TERT: variants seen among roughly 807,000 people sequenced by gnomAD.
TERT encodes telomerase reverse transcriptase.
Under a neutral mutation model 104.0 loss-of-function variants are expected in TERT, and 42 were observed. That is an observed-to-expected ratio of 0.40 (90% confidence interval 0.32 to 0.52). The LOEUF (loss-of-function observed/expected upper bound fraction) is 0.52. Among genes scored for constraint, TERT ranks in the 20% least tolerant of loss-of-function variants. The pLI is 0.43. For missense variants in TERT, 1,101 were observed against 1,610.3 expected (o/e 0.68, Z 5.41); for synonymous variants, 781 against 725.6 (o/e 1.08, Z -1.23).
rs117662357 is a variant in TERT, at chr5:1,272,260, G to A, written c.2307C>T (p.Leu769=). 1.2e-5 allele frequency: 19 copies of A among 1,612,370 alleles called. No individual in the cohort carries two copies. The highest frequency in any genetic ancestry group is 8.9e-5 in the East Asian group (4 of 44,820). ...CCACGAACTGTCGCATGTACGGCTG[G>A]AGGTCTGTCAAGGTAGAGACCTGCC... ...FKSHVSTLTD[L]QPYMRQFVAH... The change falls in exon 7 of 16, where the codon CTC becomes CTT. Residue 769 remains leucine (L), a synonymous_variant. Coordinates refer to ENST00000310581, the MANE Select transcript of TERT (RefSeq NM_198253.3).
chr5:1,291,353 C>G (rs1305547250), intron 2 of TERT, among the ~76,000 whole-genome samples: 12 of 79,200 alleles, frequency 1.5e-4, no homozygotes, highest in Non-Finnish European at 2.1e-4. Context: ...CCGGGGACCG[C>G]GCCTCACTCA....
intron 2 of TERT, among the ~76,000 whole-genome samples, chr5:1,283,240 C>A (rs1382635048): frequency 4.4e-5 from 6 of 136,706 alleles, no homozygotes; most frequent in Admixed American, 1.5e-4. Context: ...CACCCCGGAC[C>A]TGCACCATCC....
At chr5:1,258,531 G>T in intron 13 of TERT, 67 bp downstream of exon 13, 1 of 1,433,038 alleles carries the variant, frequency 7.0e-7, no homozygotes, top group Non-Finnish European at 9.6e-7. Flanking sequence ...TGAAGCCCCG[G>T]GTCAGAGGTG....
In TERT at chr5:1,295,021, G is replaced by C. The variant is rs1211853194; in HGVS notation, c.-32C>G. 65 of 1,272,468 alleles carry C rather than the reference G, an allele frequency of 5.1e-5. No individual in the cohort carries two copies. The highest frequency in any genetic ancestry group is 6.3e-5 in the Non-Finnish European group (63 of 1,006,396). 78.8% of individuals were successfully genotyped at this position (1,272,468 alleles called of 1,614,324 possible). A position where few individuals can be genotyped will look rare whatever the true frequency, so the allele number is the denominator to read the frequency against. ...GGTGGCCGGGGCCAGGGCTTCCCAC[G>C]TGCGCAGCAGGACGCAGCGCTGCCT... On this transcript the variant is annotated 5_prime_UTR_variant, in exon 1 of 16. Coordinates refer to ENST00000310581, the MANE Select transcript of TERT (RefSeq NM_198253.3).
rs1267451916 is a variant in TERT at position 1,262,670 on chromosome 5, C to T, written c.2843+1734G>A. 6.6e-6 allele frequency among the ~76,000 whole-genome samples: 1 copy of T among 152,354 alleles called. No individual in the cohort carries two copies. The highest frequency in any genetic ancestry group is 6.5e-5 in the Admixed American group (1 of 15,304). On this transcript the variant is annotated intron_variant, in intron 11 of 15. Coordinates refer to ENST00000310581, the MANE Select transcript of TERT (RefSeq NM_198253.3). The surrounding 1 kb of genome is among the most constrained non-coding windows in gnomAD (Gnocchi z 5.6). ...TGGACCCACATCTGATGACCTGATGCCCACCCATCCTGCACTAGCCTCTGT... is the reference window on the plus strand; with the variant it reads ...TGGACCCACATCTGATGACCTGATGTCCACCCATCCTGCACTAGCCTCTGT...
intron 12 of TERT, 74 bp downstream of exon 12, chr5:1,260,400 G>T (rs35973242): frequency 7.8e-7 from 1 of 1,280,750 alleles, no homozygotes; most frequent in Non-Finnish European, 1.1e-6. Context: ...AGGCACGCGC[G>T]CACACACACA....
At position 1,253,493 on chromosome 5, in the gene TERT, A is replaced by G. The variant is rs1477349975; in HGVS notation, c.*235T>C. The G allele has an allele frequency of 1.7e-6, 1 of 590,634 alleles. No homozygotes were observed. Among genetic ancestry groups the G allele is most frequent in the Non-Finnish European group, 3.0e-6 (1 of 330,518 alleles). The allele number at this position is 590,634 out of a possible 1,614,324, so 36.6% of individuals were successfully genotyped here. On this transcript the variant is annotated 3_prime_UTR_variant, in exon 16 of 16. Coordinates refer to ENST00000310581, the MANE Select transcript of TERT (RefSeq NM_198253.3). ...GGAGCCGAGCGCCAGCCTGTGGGGA[A>G]GTGAAGACGGCAGGTGTGCTGGACA... is the stretch of plus-strand genomic sequence containing the variant.
chr5:1,268,507 G>A lies in TERT; in HGVS notation c.2582+13C>T, dbSNP rs1748778971. ...CCCCCACCCAAGCCCCCCTGGGGAA[G>A]AGGAGGCCTCACCCGTCCCGCCGAA... On this transcript the variant is annotated intron_variant, in intron 9 of 15. Coordinates refer to ENST00000310581, the MANE Select transcript of TERT (RefSeq NM_198253.3). This position sits in a 1 kb window ranked among gnomAD's most constrained non-coding sequence, Gnocchi z 5.5. The A allele has an allele frequency of 1.2e-6, 2 of 1,608,318 alleles. No individual in the cohort carries two copies. The highest frequency in any genetic ancestry group is 1.7e-6 in the Non-Finnish European group (2 of 1,175,958).
At position 1,258,457 on chromosome 5, in the gene TERT, A is replaced by G; in HGVS notation, c.3032+141T>C. 11 of 779,790 alleles carry G rather than the reference A, an allele frequency of 1.4e-5. 1 individual carries two copies. Among genetic ancestry groups the G allele is most frequent in the Middle Eastern group, 6.1e-4 (2 of 3,262 alleles). The allele number at this position is 779,790 out of a possible 1,614,324, so 48.3% of individuals were successfully genotyped here. ...CAGAGCCACGCGAACAGAACTGTGC[A>G]CAGGCAGCAGCACCACTGAAAACGT... On this transcript the variant is annotated intron_variant, in intron 13 of 15. Transcript: ENST00000310581.
intron 15 of TERT, 89 bp from the exon 16 acceptor site, chr5:1,253,920 A>C: frequency 1.4e-6 from 2 of 1,403,324 alleles, no homozygotes; most frequent in Non-Finnish European, 2.0e-6. Flanking sequence ...CCGGGCAGGC[A>C]GGGCCTGCAC....
rs933431085 is a variant in TERT, at chr5:1,265,120, A to G, written c.2655-528T>C. Reference sequence around the variant, plus strand: ...CTGGCTGGGCTGTGAGCTGGGCAACACCAGTCGTCAGCTTCACGTCAAGGA... The same window carrying G: ...CTGGCTGGGCTGTGAGCTGGGCAACGCCAGTCGTCAGCTTCACGTCAAGGA... On this transcript the variant is annotated intron_variant, in intron 10 of 15. Coordinates refer to ENST00000310581, the MANE Select transcript of TERT (RefSeq NM_198253.3). The surrounding 1 kb of genome is among the most constrained non-coding windows in gnomAD (Gnocchi z 6.9). 2.6e-5 allele frequency among the ~76,000 whole-genome samples: 4 copies of G among 152,166 alleles called. No homozygotes were observed. The East Asian group carries it at 7.7e-4, about 29-fold the overall frequency.
Position 1,256,061 on chromosome 5 carries a change from A to C in TERT, c.3033-650T>G, listed in dbSNP as rs1747706968. The stretch of plus-strand genomic sequence containing the variant: ...GCTCTCACTCTGTCACCCAGGCTGC[A>C]GTACAGTGGTGCAATCTCAGCTCAC... On this transcript the variant is annotated intron_variant, in intron 13 of 15. Coordinates refer to ENST00000310581, the MANE Select transcript of TERT (RefSeq NM_198253.3). This position sits in a 1 kb window ranked among gnomAD's most constrained non-coding sequence, Gnocchi z 7.0. Among the ~76,000 whole-genome samples the C allele has an allele frequency of 6.6e-6, 1 of 152,130 alleles. No homozygotes were observed. Among genetic ancestry groups the C allele is most frequent in the South Asian group, 2.1e-4 (1 of 4,820 alleles).
Position 1,294,960 on chromosome 5 carries a change from C to T in TERT, c.30G>A (p.Val10=). 7.3e-7 allele frequency: 1 copy of T among 1,367,802 alleles called. No individual in the cohort carries two copies. Among genetic ancestry groups the T allele is most frequent in the South Asian group, 1.8e-5 (1 of 55,302 alleles). The allele number at this position is 1,367,802 out of a possible 1,614,324, so 84.7% of individuals were successfully genotyped here. A position where few individuals can be genotyped will look rare whatever the true frequency, so the allele number is the denominator to read the frequency against. The change falls in exon 1 of 16, where the codon GTG becomes GTA. Residue 10 remains valine, a synonymous_variant. Coordinates refer to ENST00000310581, the MANE Select transcript of TERT (RefSeq NM_198253.3). The part of the protein sequence containing the change: MPRAPRCRA[V]RSLLRSHYRE... ...GGTAGTGGCTGCGCAGCAGGGAGCG[C>T]ACGGCTCGGCAGCGGGGAGCGCGCG...
chr5:1,279,212 T>C lies in TERT; in HGVS notation c.2130+79A>G, dbSNP rs898608515. 4.0e-6 allele frequency: 6 copies of C among 1,488,766 alleles called. No homozygotes were observed. The African/African-American group carries it at 8.4e-5, about 21-fold the overall frequency. 92.2% of individuals were successfully genotyped at this position (1,488,766 alleles called of 1,614,324 possible). A position where few individuals can be genotyped will look rare whatever the true frequency, so the allele number is the denominator to read the frequency against. On this transcript the variant is annotated intron_variant, in intron 5 of 15. Transcript: ENST00000310581. ...CTGCGGCCCACCCAGGAGTACCTCC[T>C]CCACCCAACATGAGGTGCCAATCAG...
At position 1,295,020 on chromosome 5, in the gene TERT, C is replaced by G. The variant is rs990029964; in HGVS notation, c.-31G>C. On this transcript the variant is annotated 5_prime_UTR_variant, in exon 1 of 16. Coordinates refer to ENST00000310581, the MANE Select transcript of TERT (RefSeq NM_198253.3). ...GGGTGGCCGGGGCCAGGGCTTCCCA[C>G]GTGCGCAGCAGGACGCAGCGCTGCC... 1.0e-5 allele frequency: 13 copies of G among 1,278,802 alleles called. No individual in the cohort carries two copies. The highest frequency in any genetic ancestry group is 1.3e-5 in the Non-Finnish European group (13 of 1,012,420). 79.2% of individuals were successfully genotyped at this position (1,278,802 alleles called of 1,614,324 possible).
intron 12 of TERT, among the ~76,000 whole-genome samples, chr5:1,259,270 A>AGG (rs1748002543): frequency 3.2e-5 from 4 of 123,206 alleles, no homozygotes; most frequent in East Asian, 2.8e-4. Context: ...CCCACAGGAG[A>AGG]GGGAGTGGAC....
At position 1,274,652 on chromosome 5, in the gene TERT, C is replaced by T. The variant is rs529075310; in HGVS notation, c.2287-2372G>A. Among the ~76,000 whole-genome samples, 14 of 152,290 alleles carry T rather than the reference C, an allele frequency of 9.2e-5. No homozygotes were observed. The South Asian group carries it at 2.9e-3, about 32-fold the overall frequency. On this transcript the variant is annotated intron_variant, in intron 6 of 15. Coordinates refer to ENST00000310581, the MANE Select transcript of TERT (RefSeq NM_198253.3). This position sits in a 1 kb window ranked among gnomAD's most constrained non-coding sequence, Gnocchi z 5.3. ...CATGCCACTGCTGATCTGAGAGGGG[C>T]GGGGCTCAGGCGGGAACGCTGGCTC...
At position 1,279,389 on chromosome 5, in the gene TERT, C is replaced by T. The variant is rs1278095401; in HGVS notation, c.2032G>A (p.Ala678Thr). 1.3e-6 allele frequency: 2 copies of T among 1,559,630 alleles called. No individual in the cohort carries two copies. The highest frequency in any genetic ancestry group is 1.7e-6 in the Non-Finnish European group (2 of 1,153,770). Residue 678 changes from alanine (A) to threonine (T), a missense_variant, in exon 5 of 16, where the codon GCC becomes ACC. Ala to Thr is a moderately conservative substitution (Grantham distance 58). Around this residue, in one of 5 missense-constraint regions of TERT, gnomAD observed 463 missense variants for 797.5 expected, o/e 0.58. Transcript: ENST00000310581. Reference sequence around the variant, plus strand: ...ATATCGTCCAGGCCCAGCACAGAGGCGCCCAGGAGGCCGGGGCGCCGCGCC... The same window carrying T: ...ATATCGTCCAGGCCCAGCACAGAGGTGCCCAGGAGGCCGGGGCGCCGCGCC... Reference protein sequence around the residue: ...ERARRPGLLGASVLGLDDIHR... With the variant: ...ERARRPGLLGTSVLGLDDIHR...
In TERT at chr5:1,270,234, T is replaced by C. The variant is rs1254071246; in HGVS notation, c.2468+885A>G. ...ATATTATAATTGCTGATACCATTAG[T>C]GATTACTTATAATGCAATAATTAAT... On this transcript the variant is annotated intron_variant, in intron 8 of 15. Transcript: ENST00000310581. This position sits in a 1 kb window ranked among gnomAD's most constrained non-coding sequence, Gnocchi z 8.3. 6.6e-6 allele frequency among the ~76,000 whole-genome samples: 1 copy of C among 152,234 alleles called. No homozygotes were observed. Among genetic ancestry groups the C allele is most frequent in the Non-Finnish European group, 1.5e-5 (1 of 68,038 alleles).
Sources: allele counts gnomAD v4.1 joint callset (sites outside exome capture counted in the v4.1 genomes callset), GRCh38; gene constraint gnomAD v4.1.1; regional missense constraint gnomAD v4.1.1; non-coding constraint Gnocchi (gnomAD v3.1); transcripts MANE v1.5; gene names NCBI Gene and HGNC (gene_info 2026-07-23, HGNC 2026-07-21).